Variants in PRR36 observed in about 807,000 individuals in gnomAD.
The protein encoded by PRR36 is proline-rich protein 36.
In PRR36, 30 loss-of-function variants were observed where a neutral mutation model predicts 58.6. The observed-to-expected ratio is 0.51, with a 90% CI of 0.38 to 0.69. The LOEUF (loss-of-function observed/expected upper bound fraction) is 0.69, where lower values mean the gene tolerates loss of function less well. Among genes scored for constraint, PRR36 ranks in the 30% least tolerant of loss-of-function variants. The pLI, the probability that PRR36 is intolerant of heterozygous loss-of-function variation, is 0.00. For missense variants in PRR36, 1,692 were observed against 1,805.6 expected (o/e 0.94, Z 1.14); for synonymous variants, 771 against 829.3 (o/e 0.93, Z 1.21).
In PRR36 at chr19:7,872,349, G is replaced by T. The variant is rs1295816172; in HGVS notation, c.895C>A (p.Leu299Ile). ...RKDAAPALGP[L>I]SSSPLATPSP... ...GGTGTGGCCAAAGGAGAGGAAGAAA[G>T]CGGTCCTAGTGCTGGGGCTGCGTCC... The change falls in exon 5 of 6, where the codon CTT (leucine) becomes ATT (isoleucine). Residue 299 changes from leucine to isoleucine, a missense_variant. Transcript: ENST00000618550. This position sits in a 1 kb window ranked among gnomAD's most constrained non-coding sequence, Gnocchi z 6.1. The T allele has an allele frequency of 2.1e-6, 3 of 1,451,726 alleles. No homozygotes were observed. Among genetic ancestry groups the T allele is most frequent in the African/African-American group, 1.4e-5 (1 of 70,044 alleles). The allele number at this position is 1,451,726 out of a possible 1,614,324, so 89.9% of individuals were successfully genotyped here.
At position 7,871,722 on chromosome 19, in the gene PRR36, G is replaced by C; in HGVS notation, c.1522C>G (p.Leu508Val). The change falls in exon 5 of 6, where the codon CTC becomes GTC. Residue 508 changes from leucine (L) to valine (V), a missense_variant. By Grantham distance (32) the Leu-to-Val change is conservative. This residue lies in a region of PRR36 where 975 missense variants were observed against 955.2 expected (regional missense o/e 1.02). Transcript: ENST00000618550. ...QASPSPSPPS[L>V]QATPHTLATL... ...GCCAGAGTGTGGGGCGTGGCCTGGA[G>C]AGAGGGCGGAGACGGGGAAGGACTG... The C allele has an allele frequency of 1.3e-6, 2 of 1,536,084 alleles. No homozygotes were observed. The highest frequency in any genetic ancestry group is 1.7e-6 in the Non-Finnish European group (2 of 1,146,880).
At position 7,872,011 on chromosome 19, in the gene PRR36, G is replaced by A. The variant is rs1311874838; in HGVS notation, c.1233C>T (p.Val411=). Residue 411 remains valine (V), a synonymous_variant, in exon 5 of 6, where the codon GTC becomes GTT. Coordinates refer to ENST00000618550, the MANE Select transcript of PRR36 (RefSeq NM_001190467.2). The surrounding 1 kb of genome is among the most constrained non-coding windows in gnomAD (Gnocchi z 6.1). ...QLIMSFPEAG[V]SSLATAAFVA... ...CAAAAGCGGCTGTGGCCAGGGAAGA[G>A]ACGCCTGCTTCTGGAAAGGACATAA... The A allele has an allele frequency of 2.6e-6, 4 of 1,535,584 alleles. No homozygotes were observed. The highest frequency in any genetic ancestry group is 2.0e-5 in the Admixed American group (1 of 50,940).
chr19:7,870,974 A>T lies in PRR36; in HGVS notation c.2270T>A (p.Leu757Gln). The change falls in exon 5 of 6, where the codon CTG becomes CAG. Residue 757 changes from leucine (L) to glutamine (Q), a missense_variant. Physicochemically the swap from Leu to Gln is moderately radical, Grantham distance 113. This residue lies in a region of PRR36 where 38 missense variants were observed against 100.7 expected (regional missense o/e 0.38). Coordinates refer to ENST00000618550, the MANE Select transcript of PRR36 (RefSeq NM_001190467.2). The part of the protein sequence containing the change: ...TASAPLTTPP[L>Q]ENLPSLAPPP... ...CGGGGCTAGAGAAGGTAGGTTCTCC[A>T]GAGGGGGTGTGGTCAGGGGAGCAGA... is the stretch of plus-strand genomic sequence containing the variant. 2.9e-6 allele frequency: 3 copies of T among 1,020,776 alleles called. No homozygotes were observed. Among genetic ancestry groups the T allele is most frequent in the Non-Finnish European group, 2.7e-6 (2 of 749,520 alleles). The allele number at this position is 1,020,776 out of a possible 1,614,324, so 63.2% of individuals were successfully genotyped here.
rs1424620563 is a variant in PRR36, at chr19:7,873,644, T to C, written c.46A>G (p.Thr16Ala). Residue 16 changes from threonine (T) to alanine (A), a missense_variant, in exon 2 of 6, where the codon ACG becomes GCG. Thr to Ala is a moderately conservative substitution (Grantham distance 58). Coordinates refer to ENST00000618550, the MANE Select transcript of PRR36 (RefSeq NM_001190467.2). This position sits in a 1 kb window ranked among gnomAD's most constrained non-coding sequence, Gnocchi z 5.0. The stretch of plus-strand genomic sequence containing the variant: ...AGTCCAGGAGCGCGAGCAGCCGGCG[T>C]CCGCGCGGCGGCCCCTGCCTTCGCC... The part of the protein sequence containing the change: ...DKAKAGAAAR[T>A]PAARAPGLLT... 5.2e-6 allele frequency: 8 copies of C among 1,535,064 alleles called. No individual in the cohort carries two copies. Among genetic ancestry groups the C allele is most frequent in the African/African-American group, 1.4e-5 (1 of 73,004 alleles).
In PRR36 at chr19:7,872,348, A is replaced by T. The variant is rs1980503823; in HGVS notation, c.896T>A (p.Leu299His). Reference protein sequence around the residue: ...RKDAAPALGPLSSSPLATPSP... With the variant: ...RKDAAPALGPHSSSPLATPSP... ...GGGTGTGGCCAAAGGAGAGGAAGAA[A>T]GCGGTCCTAGTGCTGGGGCTGCGTC... is the stretch of plus-strand genomic sequence containing the variant. Residue 299 changes from leucine to histidine, a missense_variant, in exon 5 of 6, where the codon CTT becomes CAT. Physicochemically the swap from Leu to His is moderately conservative, Grantham distance 99. Transcript: ENST00000618550. This position sits in a 1 kb window ranked among gnomAD's most constrained non-coding sequence, Gnocchi z 6.1. 1 of 1,451,578 alleles carries T rather than the reference A, an allele frequency of 6.9e-7. No homozygotes were observed. The highest frequency in any genetic ancestry group is 9.0e-7 in the Non-Finnish European group (1 of 1,108,152). 89.9% of individuals were successfully genotyped at this position (1,451,578 alleles called of 1,614,324 possible).
chr19:7,869,564 G>A lies in PRR36; in HGVS notation c.3530-20C>T. 6.6e-7 allele frequency: 1 copy of A among 1,515,456 alleles called. No homozygotes were observed. The highest frequency in any genetic ancestry group is 8.8e-7 in the Non-Finnish European group (1 of 1,138,122). The allele number at this position is 1,515,456 out of a possible 1,614,324, so 93.9% of individuals were successfully genotyped here. On this transcript the variant is annotated intron_variant, in intron 5 of 5. Coordinates refer to ENST00000618550, the MANE Select transcript of PRR36 (RefSeq NM_001190467.2). ...GCGCACCTGCGGGGAGAGACGCCAG[G>A]TGGGCCGTGGGGGTGATAAGCCCCG...
Position 7,873,186 on chromosome 19 carries a change from G to A in PRR36, c.374+11C>T, listed in dbSNP as rs747025374. 324 of 1,534,970 alleles carry A rather than the reference G, an allele frequency of 2.1e-4. 3 individuals carry two copies. Among genetic ancestry groups the A allele is most frequent in the South Asian group, 1.1e-3 (92 of 84,028 alleles). On this transcript the variant is annotated intron_variant, in intron 3 of 5. Transcript: ENST00000618550. The surrounding 1 kb of genome is among the most constrained non-coding windows in gnomAD (Gnocchi z 5.0). Reference sequence around the variant, plus strand: ...CTGGCTTAGGAGACTGGGGGAGAGGGAGCAGGTTACCTGGTGGTCCCGCTG... The same window carrying A: ...CTGGCTTAGGAGACTGGGGGAGAGGAAGCAGGTTACCTGGTGGTCCCGCTG...
chr19:7,869,510 C>A lies in PRR36; in HGVS notation c.3564G>T (p.Pro1188=). Residue 1188 remains proline (P), a synonymous_variant, in exon 6 of 6, where the codon CCG becomes CCT. Coordinates refer to ENST00000618550, the MANE Select transcript of PRR36 (RefSeq NM_001190467.2). ...APLPWPPATG[P]GSADGLCTIY... ...TGGTGCACAGACCGTCAGCAGAGCCCGGTCCGGTAGCGGGAGGCCACGGCA... is the reference window on the plus strand; with the variant it reads ...TGGTGCACAGACCGTCAGCAGAGCCAGGTCCGGTAGCGGGAGGCCACGGCA... 1.3e-6 allele frequency: 2 copies of A among 1,520,386 alleles called. No individual in the cohort carries two copies. Among genetic ancestry groups the A allele is most frequent in the Non-Finnish European group, 1.8e-6 (2 of 1,140,134 alleles). 94.2% of individuals were successfully genotyped at this position (1,520,386 alleles called of 1,614,324 possible).
In PRR36 at chr19:7,870,578, G is replaced by A. The variant is rs1455418634; in HGVS notation, c.2666C>T (p.Pro889Leu). 3 of 1,197,210 alleles carry A rather than the reference G, an allele frequency of 2.5e-6. No homozygotes were observed. Among genetic ancestry groups the A allele is most frequent in the Admixed American group, 8.3e-5 (2 of 23,964 alleles). The allele number at this position is 1,197,210 out of a possible 1,614,324, so 74.2% of individuals were successfully genotyped here. Residue 889 changes from proline to leucine, a missense_variant, in exon 5 of 6, where the codon CCC becomes CTC. This residue lies in a region of PRR36 where 171 missense variants were observed against 146.2 expected (regional missense o/e 1.17). Transcript: ENST00000618550. ...GGCCTGCACTGGGGGTGAGGGAGGG[G>A]GAGAGAAAGGGGCCTGCAGAAGGTG... is the stretch of plus-strand genomic sequence containing the variant. ...AVHLLQAPFS[P>L]PPSPPVQAPF...
chr19:7,870,560 A>C lies in PRR36; in HGVS notation c.2684T>G (p.Val895Gly). 5.6e-6 allele frequency: 2 copies of C among 356,296 alleles called. No individual in the cohort carries two copies. The highest frequency in any genetic ancestry group is 3.4e-6 in the Non-Finnish European group (1 of 293,848). The allele number at this position is 356,296 out of a possible 1,614,324, so 22.1% of individuals were successfully genotyped here. A position where few individuals can be genotyped will look rare whatever the true frequency, so the allele number is the denominator to read the frequency against. The change falls in exon 5 of 6, where the codon GTG (valine) becomes GGG (glycine). Residue 895 changes from valine (V) to glycine (G), a missense_variant. Val to Gly is a moderately radical substitution (Grantham distance 109). This residue lies in a region of PRR36 where 171 missense variants were observed against 146.2 expected (regional missense o/e 1.17). Transcript: ENST00000618550. ...APFSPPPSPPVQAPFSPPASP... is the reference protein window; with the variant it reads ...APFSPPPSPPGQAPFSPPASP... ...GGCAGGGGGAGAGAAAGGGGCCTGC[A>C]CTGGGGGTGAGGGAGGGGGAGAGAA...
chr19:7,872,295 C>T lies in PRR36; in HGVS notation c.949G>A (p.Val317Ile), dbSNP rs983547052. Residue 317 changes from valine (V) to isoleucine (I), a missense_variant, in exon 5 of 6, where the codon GTA (valine) becomes ATA (isoleucine). By Grantham distance (29) the Val-to-Ile change is conservative. Transcript: ENST00000618550. This position sits in a 1 kb window ranked among gnomAD's most constrained non-coding sequence, Gnocchi z 6.1. Reference sequence around the variant, plus strand: ...GTGGCTGCATTGTCGGGAGGCGGTACGGGTCTTGCCTTGGTACCCGATGGA... The same window carrying T: ...GTGGCTGCATTGTCGGGAGGCGGTATGGGTCTTGCCTTGGTACCCGATGGA... ...PSPSGTKARP[V>I]PPPDNAATPL... is the part of the protein sequence containing the mutation. The T allele has an allele frequency of 6.9e-7, 1 of 1,455,072 alleles. No homozygotes were observed. The highest frequency in any genetic ancestry group is 9.0e-7 in the Non-Finnish European group (1 of 1,109,938). 90.1% of individuals were successfully genotyped at this position (1,455,072 alleles called of 1,614,324 possible). A position where few individuals can be genotyped will look rare whatever the true frequency, so the allele number is the denominator to read the frequency against.
Position 7,871,212 on chromosome 19 carries a change from G to T in PRR36, c.2032C>A (p.Pro678Thr). 1 of 1,534,376 alleles carries T rather than the reference G, an allele frequency of 6.5e-7. No individual in the cohort carries two copies. The highest frequency in any genetic ancestry group is 8.7e-7 in the Non-Finnish European group (1 of 1,146,386). The change falls in exon 5 of 6, where the codon CCC becomes ACC. Residue 678 changes from proline to threonine, a missense_variant. By Grantham distance (38) the Pro-to-Thr change is conservative. Coordinates refer to ENST00000618550, the MANE Select transcript of PRR36 (RefSeq NM_001190467.2). ...TGTATGGTCAGGGGTGAGCTTAGGGGTGAGACAGCAGGAGAGAGAGAAGTC... is the reference window on the plus strand; with the variant it reads ...TGTATGGTCAGGGGTGAGCTTAGGGTTGAGACAGCAGGAGAGAGAGAAGTC... The part of the protein sequence containing the change: ...LQTSLSPAVS[P>T]LSSPLTIHPL...
At position 7,872,052 on chromosome 19, in the gene PRR36, G is replaced by GA; in HGVS notation, c.1191dup (p.Pro398SerfsTer43). On this transcript the variant is annotated frameshift_variant, in exon 5 of 6. Coordinates refer to ENST00000618550, the MANE Select transcript of PRR36 (RefSeq NM_001190467.2). LOFTEE classifies it high-confidence loss of function. The surrounding 1 kb of genome is among the most constrained non-coding windows in gnomAD (Gnocchi z 6.1). ...AAGGACATAATCAGCTGTGTGGGTG[G>GA]AACTTGCGAGGGGGGCGTGGCTGGT... The GA allele has an allele frequency of 6.5e-7, 1 of 1,535,264 alleles. No individual in the cohort carries two copies. Among genetic ancestry groups the GA allele is most frequent in the African/African-American group, 1.4e-5 (1 of 72,900 alleles).
Position 7,873,711 on chromosome 19 carries a change from C to CCA in PRR36, c.-7-16_-7-15insTG. On this transcript the variant is annotated splice_polypyrimidine_tract_variant and intron_variant, in intron 1 of 5. Transcript: ENST00000618550. The surrounding 1 kb of genome is among the most constrained non-coding windows in gnomAD (Gnocchi z 5.0). The stretch of plus-strand genomic sequence containing the variant: ...CCATCTTGCACCTGAAGAGACAAAC[C>CCA]GGTCCGCATCCCAGGTTCTGGACAG... The CCA allele has an allele frequency of 1.3e-6, 2 of 1,531,114 alleles. No individual in the cohort carries two copies. Among genetic ancestry groups the CCA allele is most frequent in the Non-Finnish European group, 1.7e-6 (2 of 1,144,364 alleles). The allele number at this position is 1,531,114 out of a possible 1,614,324, so 94.8% of individuals were successfully genotyped here.
Position 7,871,862 on chromosome 19 carries a change from A to C in PRR36, c.1382T>G (p.Met461Arg). 6.5e-7 allele frequency: 1 copy of C among 1,535,938 alleles called. No individual in the cohort carries two copies. ...AGAAACAGGGCCTTGTAGAGGAGACATGGCTGACAGAGGAGGTGTGGCCAA... is the reference window on the plus strand; with the variant it reads ...AGAAACAGGGCCTTGTAGAGGAGACCTGGCTGACAGAGGAGGTGTGGCCAA... ...SPLATPPLSA[M>R]SPLQGPVSPA... Residue 461 changes from methionine (M) to arginine (R), a missense_variant, in exon 5 of 6, where the codon ATG (methionine) becomes AGG (arginine). By Grantham distance (91) the Met-to-Arg change is moderately conservative. Transcript: ENST00000618550.
chr19:7,869,495 A>G lies in PRR36; in HGVS notation c.3579T>C (p.Gly1193=). The change falls in exon 6 of 6, where the codon GGT becomes GGC. Residue 1193 remains glycine, a synonymous_variant. Transcript: ENST00000618550. ...PPATGPGSAD[G]LCTIYETEGP... is the part of the protein sequence containing the mutation. ...CTTCAGTCTCGTAGATGGTGCACAG[A>G]CCGTCAGCAGAGCCCGGTCCGGTAG... is the stretch of plus-strand genomic sequence containing the variant. The G allele has an allele frequency of 6.6e-7, 1 of 1,519,914 alleles. No individual in the cohort carries two copies. The highest frequency in any genetic ancestry group is 8.8e-7 in the Non-Finnish European group (1 of 1,140,026). The allele number at this position is 1,519,914 out of a possible 1,614,324, so 94.2% of individuals were successfully genotyped here.
Position 7,872,897 on chromosome 19 carries a change from C to T in PRR36, c.439G>A (p.Ala147Thr). ...GCACTCCTTTTGGGAGCCTCTGTAG[C>T]TTTTCCTCTGGCCACAGTTTCCTCC... ...SAEETVARGK[A>T]TEAPKRSALS... The change falls in exon 4 of 6, where the codon GCT (alanine) becomes ACT (threonine). Residue 147 changes from alanine to threonine, a missense_variant. Ala to Thr is a moderately conservative substitution (Grantham distance 58, BLOSUM62 0). Around this residue, in one of 5 missense-constraint regions of PRR36, gnomAD observed 975 missense variants for 955.2 expected, o/e 1.02. Coordinates refer to ENST00000618550, the MANE Select transcript of PRR36 (RefSeq NM_001190467.2). The surrounding 1 kb of genome is among the most constrained non-coding windows in gnomAD (Gnocchi z 6.1). The T allele has an allele frequency of 6.5e-7, 1 of 1,536,124 alleles. No individual in the cohort carries two copies. The highest frequency in any genetic ancestry group is 2.4e-5 in the East Asian group (1 of 40,922).
At position 7,869,030 on chromosome 19, in the gene PRR36, G is replaced by A. The variant is rs2145063534; in HGVS notation, c.*3C>T. 1 of 1,512,894 alleles carries A rather than the reference G, an allele frequency of 6.6e-7. No individual in the cohort carries two copies. Among genetic ancestry groups the A allele is most frequent in the Admixed American group, 2.0e-5 (1 of 49,096 alleles). The allele number at this position is 1,512,894 out of a possible 1,614,324, so 93.7% of individuals were successfully genotyped here. On this transcript the variant is annotated 3_prime_UTR_variant, in exon 6 of 6. Transcript: ENST00000618550. ...GGTGTAGCAGGCGGGGCTGTGGTCTGGCTCAGTGGAAGGTCTCCACCTCCA... is the reference window on the plus strand; with the variant it reads ...GGTGTAGCAGGCGGGGCTGTGGTCTAGCTCAGTGGAAGGTCTCCACCTCCA...
In PRR36 at chr19:7,870,834, C is replaced by T. The variant is rs1343339238; in HGVS notation, c.2410G>A (p.Glu804Lys). The T allele has an allele frequency of 3.5e-6, 5 of 1,439,200 alleles. No individual in the cohort carries two copies. Among genetic ancestry groups the T allele is most frequent in the Non-Finnish European group, 4.5e-6 (5 of 1,103,772 alleles). 89.2% of individuals were successfully genotyped at this position (1,439,200 alleles called of 1,614,324 possible). A position where few individuals can be genotyped will look rare whatever the true frequency, so the allele number is the denominator to read the frequency against. Residue 804 changes from glutamate (E) to lysine (K), a missense_variant, in exon 5 of 6, where the codon GAG becomes AAG. Coordinates refer to ENST00000618550, the MANE Select transcript of PRR36 (RefSeq NM_001190467.2). ...PPSPLTTPPP[E>K]TPSSIATPPP... is the part of the protein sequence containing the mutation. ...GGCGTGGCTATGGAAGAGGGCGTCTCCGGAGGGGGCGTGGTCAATGGCGAA... is the reference window on the plus strand; with the variant it reads ...GGCGTGGCTATGGAAGAGGGCGTCTTCGGAGGGGGCGTGGTCAATGGCGAA...
Sources: allele counts gnomAD v4.1 joint callset, GRCh38; gene constraint gnomAD v4.1.1; regional missense constraint gnomAD v4.1.1; non-coding constraint Gnocchi (gnomAD v3.1); transcripts MANE v1.5; gene names NCBI Gene and HGNC (gene_info 2026-07-23, HGNC 2026-07-21).